TRRAP: variants seen among roughly 807,000 people sequenced by gnomAD.
The protein encoded by TRRAP is transformation/transcription domain associated protein, also known as transformation/transcription domain-associated protein.
TRRAP carries 41 observed loss-of-function variants against 438.8 expected under a neutral mutation model. The observed-to-expected ratio is 0.09, with a 90% confidence interval of 0.07 to 0.12. The LOEUF is 0.12. TRRAP is among the 10% of genes least tolerant of loss of function. The pLI, the probability that TRRAP is intolerant of heterozygous loss-of-function variation, is 1.00. For missense variants in TRRAP, 3,122 were observed against 5,055.1 expected, an observed-to-expected ratio of 0.62 and a Z score of 11.60; for synonymous variants, 1,994 against 1,962.9, an observed-to-expected ratio of 1.02 and a Z score of -0.42.
chr7:98,990,607 C>T lies in TRRAP; in HGVS notation c.9744C>T (p.Asn3248=). ...GCTCGGAGGGAAAGCTGCTCTTGAA[C>T]CTCATTAGCCAGGTGGGAAGAGCAG... ...LVGSEGKLLL[N]LISQVGRVYP... is the part of the protein sequence containing the mutation. The change falls in exon 64 of 73, where the codon AAC becomes AAT. Residue 3248 remains asparagine (N), a synonymous_variant. Transcript: ENST00000456197. 6.2e-7 allele frequency: 1 copy of T among 1,612,758 alleles called. No homozygotes were observed. Among genetic ancestry groups the T allele is most frequent in the Non-Finnish European group, 8.5e-7 (1 of 1,178,860 alleles).
At chr7:98,931,223 C>T (rs546891276) in intron 25 of TRRAP, among the ~76,000 whole-genome samples, 182 bp from the exon 26 acceptor site, 10 of 152,334 alleles carry the variant, frequency 6.6e-5, no homozygotes, top group Admixed American at 5.2e-4. Context: ...TCCACATTTT[C>T]TGATTAGGTG....
intron 51 of TRRAP, among the ~76,000 whole-genome samples, chr7:98,969,267 G>A (rs1045577106): frequency 2.0e-5 from 3 of 152,164 alleles, no homozygotes; most frequent in African/African-American, 7.2e-5. Flanking sequence ...CCAGGTGACT[G>A]GCCCCCTGCC....
rs1402919525 is a variant in TRRAP at position 98,998,973 on chromosome 7, A to G, written c.10309+4125A>G. On this transcript the variant is annotated intron_variant, in intron 67 of 72. Coordinates refer to ENST00000456197, the MANE Select transcript of TRRAP (RefSeq NM_001375524.1). ...TACAGCTGGAGCAGATGCCCGTGGT[A>G]CAGCCAGGCCCTGCAGGCCCCCACA... 4.9e-6 allele frequency: 3 copies of G among 607,356 alleles called. No individual in the cohort carries two copies. In the Admixed American group the frequency reaches 7.6e-5, roughly 15 times the overall value. 37.6% of individuals were successfully genotyped at this position (607,356 alleles called of 1,614,324 possible).
intron 65 of TRRAP, among the ~76,000 whole-genome samples, chr7:98,992,801 A>G (rs536110799): frequency 3.3e-5 from 5 of 152,252 alleles, no homozygotes; most frequent in African/African-American, 7.2e-5. Flanking sequence ...CTTGTTTTCA[A>G]TGCTGAGTCT....
Position 98,949,453 on chromosome 7 carries a change from G to C in TRRAP, c.4825G>C (p.Asp1609His). 2 of 1,602,348 alleles carry C rather than the reference G, an allele frequency of 1.2e-6. No homozygotes were observed. Among genetic ancestry groups the C allele is most frequent in the Non-Finnish European group, 1.7e-6 (2 of 1,176,322 alleles). The change falls in exon 36 of 73, where the codon GAT becomes CAT. Residue 1609 changes from aspartate (D) to histidine (H), a missense_variant. By Grantham distance (81) the Asp-to-His change is moderately conservative (BLOSUM62 -1). Around this residue, in one of 24 missense-constraint regions of TRRAP, gnomAD observed 272 missense variants for 348.5 expected, o/e 0.78. Transcript: ENST00000456197. ...ACACAAAGACGCCAGACCTCTGCGG[G>C]ATGTGCTGGCTGCCAACCCCAACAG... ...LKHKDARPLR[D>H]VLAANPNRFI...
rs766810962 is a variant in TRRAP at position 98,961,426 on chromosome 7, G to A, written c.6655G>A (p.Val2219Ile). 63 of 1,614,122 alleles carry A rather than the reference G, an allele frequency of 3.9e-5. No homozygotes were observed. Among genetic ancestry groups the A allele is most frequent in the Non-Finnish European group, 4.7e-5 (55 of 1,180,058 alleles). The change falls in exon 46 of 73, where the codon GTC becomes ATC. Residue 2219 changes from valine (V) to isoleucine (I), a missense_variant. By Grantham distance (29) the Val-to-Ile change is conservative (BLOSUM62 3). Coordinates refer to ENST00000456197, the MANE Select transcript of TRRAP (RefSeq NM_001375524.1). ...TCGNTKVLRA[V>I]HSLLSRLMSI... Reference sequence around the variant, plus strand: ...TGGAAACACCAAGGTGTTGCGAGCCGTCCACAGCCTTCTCTCGCGCCTGAT... The same window carrying A: ...TGGAAACACCAAGGTGTTGCGAGCCATCCACAGCCTTCTCTCGCGCCTGAT...
chr7:98,938,534 A>C (rs1291770540), intron 30 of TRRAP, among the ~76,000 whole-genome samples: 1 of 136,246 alleles, frequency 7.3e-6, no homozygotes, highest in Non-Finnish European at 1.6e-5. Flanking sequence ...ATGTGTATAT[A>C]TTTTTTCCTA....
intron 12 of TRRAP, 75 bp downstream of exon 12, chr7:98,903,592 A>G: frequency 2.5e-6 from 4 of 1,589,098 alleles, no homozygotes; most frequent in Middle Eastern, 1.9e-4. Flanking sequence ...CTGACATTCC[A>G]TAGTTGTGCT....
Position 98,949,373 on chromosome 7 carries a change from G to T in TRRAP, c.4789-44G>T. The T allele has an allele frequency of 2.8e-6, 4 of 1,450,994 alleles. 1 individual carries two copies. Among genetic ancestry groups the T allele is most frequent in the Non-Finnish European group, 2.7e-6 (3 of 1,100,110 alleles). 89.9% of individuals were successfully genotyped at this position (1,450,994 alleles called of 1,614,324 possible). A position where few individuals can be genotyped will look rare whatever the true frequency, so the allele number is the denominator to read the frequency against. ...ATTCATATCCTCTAACTTTCTGTGA[G>T]TTTGATTAGCTTAAAACGGCTTTTC... On this transcript the variant is annotated intron_variant, in intron 35 of 72. Coordinates refer to ENST00000456197, the MANE Select transcript of TRRAP (RefSeq NM_001375524.1).
chr7:99,004,779 G>A (rs1794083440), intron 68 of TRRAP, among the ~76,000 whole-genome samples: 1 of 152,116 alleles, frequency 6.6e-6, no homozygotes, highest in Admixed American at 6.5e-5. Flanking sequence ...ATGCTGAAAG[G>A]GCTTTGAAGA....
At position 98,988,482 on chromosome 7, in the gene TRRAP, T is replaced by A. The variant is rs560213574; in HGVS notation, c.9390-283T>A. ...CAACATGGATAAACCTCGAAAACACTGTGCTAGGTGAAAGAAGCCAGATTC... is the reference window on the plus strand; with the variant it reads ...CAACATGGATAAACCTCGAAAACACAGTGCTAGGTGAAAGAAGCCAGATTC... On this transcript the variant is annotated intron_variant, in intron 62 of 72. Coordinates refer to ENST00000456197, the MANE Select transcript of TRRAP (RefSeq NM_001375524.1). 2.5e-3 allele frequency among the ~76,000 whole-genome samples: 376 copies of A among 152,304 alleles called. 3 individuals carry two copies. Among genetic ancestry groups the A allele is most frequent in the Non-Finnish European group, 2.7e-3 (186 of 68,020 alleles).
chr7:98,908,843 C>G lies in TRRAP; in HGVS notation c.1231C>G (p.Leu411Val), dbSNP rs140199736. 6.2e-7 allele frequency: 1 copy of G among 1,613,498 alleles called. No homozygotes were observed. Among genetic ancestry groups the G allele is most frequent in the Non-Finnish European group, 8.5e-7 (1 of 1,179,850 alleles). The change falls in exon 14 of 73, where the codon CTG (leucine) becomes GTG (valine). Residue 411 changes from leucine to valine, a missense_variant. This residue lies in a region of TRRAP where 343 missense variants were observed against 564.0 expected (regional missense o/e 0.61). Coordinates refer to ENST00000456197, the MANE Select transcript of TRRAP (RefSeq NM_001375524.1). The surrounding 1 kb of genome is among the most constrained non-coding windows in gnomAD (Gnocchi z 4.1). Reference sequence around the variant, plus strand: ...CGCCAAGAACATCGACGATGAGTCCCTGCCCAGCAGCATCCAGACCATGTC... The same window carrying G: ...CGCCAAGAACATCGACGATGAGTCCGTGCCCAGCAGCATCCAGACCATGTC... ...LFAKNIDDES[L>V]PSSIQTMSCK...
intron 2 of TRRAP, 188 bp from the exon 3 acceptor site, chr7:98,881,787 G>A (rs1173080121): frequency 1.2e-5 from 7 of 572,608 alleles, no homozygotes; most frequent in East Asian, 3.0e-5. Flanking sequence ...GTGCATGCAC[G>A]TGTATGTCTG....
At chr7:98,944,297 G>C (rs1282409106) in intron 31 of TRRAP, among the ~76,000 whole-genome samples, 1 of 152,022 alleles carries the variant, frequency 6.6e-6, no homozygotes, top group East Asian at 1.9e-4. Flanking sequence ...AAAACCTAGT[G>C]GGTAGATTCA....
chr7:98,950,879 C>T lies in TRRAP; in HGVS notation c.5338C>T (p.Leu1780=). The T allele has an allele frequency of 6.4e-7, 1 of 1,555,722 alleles. No homozygotes were observed. The highest frequency in any genetic ancestry group is 2.1e-5 in the Admixed American group (1 of 46,764). ...TTTATTTAAATTTTTTTTGTAGGTT[C>T]TGCAGCATATCTTGAATCCTGCTTT... The part of the protein sequence containing the change: ...NFGDELKAKV[L]QHILNPAFLY... Residue 1780 remains leucine, a synonymous_variant, in exon 39 of 73, where the codon CTG becomes TTG. Coordinates refer to ENST00000456197, the MANE Select transcript of TRRAP (RefSeq NM_001375524.1).
Position 98,902,952 on chromosome 7 carries a change from C to A in TRRAP, c.898-427C>A, listed in dbSNP as rs1014544733. Among the ~76,000 whole-genome samples the A allele has an allele frequency of 6.0e-5, 9 of 151,094 alleles. No individual in the cohort carries two copies. The South Asian group carries it at 1.7e-3, about 28-fold the overall frequency. On this transcript the variant is annotated intron_variant, in intron 11 of 72. Coordinates refer to ENST00000456197, the MANE Select transcript of TRRAP (RefSeq NM_001375524.1). ...GAAAATTAGGCATGGTGGTATGCAC[C>A]CTTAGTCCCAGCTACTGAGGTGGGA...
chr7:98,892,800 C>T (rs1433884078), intron 5 of TRRAP, among the ~76,000 whole-genome samples: 7 of 152,180 alleles, frequency 4.6e-5, no homozygotes, highest in African/African-American at 7.2e-5. Context: ...GGTGCGGGCC[C>T]GCAGACGCCC....
chr7:98,945,233 C>G (rs1256147408), intron 31 of TRRAP, among the ~76,000 whole-genome samples: 1 of 152,210 alleles, frequency 6.6e-6, no homozygotes, highest in Admixed American at 6.5e-5. Context: ...TGCACACATA[C>G]ATGCGTGCAC....
intron 64 of TRRAP, 101 bp from the exon 65 acceptor site, chr7:98,992,036 C>A: frequency 7.6e-7 from 1 of 1,317,596 alleles, no homozygotes; most frequent in Non-Finnish European, 1.1e-6. Context: ...GCAGATCAGA[C>A]ACCTGTTTCT....
Sources: allele counts gnomAD v4.1 joint callset (sites outside exome capture counted in the v4.1 genomes callset), GRCh38; gene constraint gnomAD v4.1.1; regional missense constraint gnomAD v4.1.1; non-coding constraint Gnocchi (gnomAD v3.1); transcripts MANE v1.5; gene names NCBI Gene and HGNC (gene_info 2026-07-23, HGNC 2026-07-21).